Variants in ARL13A observed in about 807,000 individuals in gnomAD.
ARL13A encodes ARF like GTPase 13A.
Under a neutral mutation model 19.1 loss-of-function variants are expected in ARL13A, and 16 were observed. The ratio of observed to expected loss-of-function variants is 0.84; its 90% CI spans 0.57 to 1.27. The LOEUF is 1.27. ARL13A is among the 50% of genes most tolerant of loss of function. The pLI, the probability that ARL13A is intolerant of heterozygous loss-of-function variation, is 0.00. For synonymous variants in ARL13A, 69 were observed against 71.3 expected (o/e 0.97, Z 0.17); for missense variants, 153 against 186.4 (o/e 0.82, Z 1.04).
At chrX:100,979,017 T>G in intron 3 of ARL13A, among the ~76,000 whole-genome samples, 1 of 111,775 alleles carries the variant, frequency 8.9e-6, no homozygotes, top group Middle Eastern at 4.7e-3. Flanking sequence ...AATTGTACAC[T>G]TTAACTTCAT....
chrX:100,987,343 G>T, intron 5 of ARL13A, 47 bp from the exon 6 acceptor site: 1 of 1,182,331 alleles, frequency 8.5e-7, no homozygotes, highest in Non-Finnish European at 1.1e-6. Flanking sequence ...CGGGCCCCAG[G>T]GGTCCCAGGC....
At chrX:100,970,066 A>G (rs1332289283) in intron 1 of ARL13A, among the ~76,000 whole-genome samples, 1 of 112,246 alleles carries the variant, frequency 8.9e-6, no homozygotes, top group Non-Finnish European at 1.9e-5. Flanking sequence ...TCAAGTTAGA[A>G]GGCTCTGCCA....
chrX:100,972,486 G>A (rs2085673171), intron 1 of ARL13A, among the ~76,000 whole-genome samples: 1 of 95,215 alleles, frequency 1.1e-5, no homozygotes, highest in Non-Finnish European at 2.2e-5. Context: ...GGGCAGGGGG[G>A]CTGACCCCCC....
Position 100,985,669 on chromosome X carries a change from C to T in ARL13A, c.133C>T (p.Leu45Phe). The change falls in exon 4 of 8, where the codon CTT (leucine) becomes TTT (phenylalanine). Residue 45 changes from leucine (L) to phenylalanine (F), a missense_variant and splice_region_variant. Transcript: ENST00000450049. ...CTCCTCTTTTCCCCTATGCACAGTA[C>T]TTCCCAGTAAGACAGACCATTGCAT... ...TVLVEAFQKL[L>F]PSKTDHCMKS... 1 of 1,207,666 alleles carries T rather than the reference C, an allele frequency of 8.3e-7. No homozygotes were observed. Among genetic ancestry groups the T allele is most frequent in the Non-Finnish European group, 1.1e-6 (1 of 893,489 alleles).
Position 100,985,811 on chromosome X carries a change from T to C in ARL13A, c.275T>C (p.Leu92Pro). 1 of 1,211,671 alleles carries C rather than the reference T, an allele frequency of 8.3e-7. No homozygotes were observed. The highest frequency in any genetic ancestry group is 3.0e-5 in the East Asian group (1 of 33,850). Residue 92 changes from leucine to proline, a missense_variant, in exon 4 of 8, where the codon CTT becomes CCT. Transcript: ENST00000450049. Reference sequence around the variant, plus strand: ...AACTACTATGCACAGGCCCATGGGCTTGTTTTCGTCCTGGATTCCAGTGAC... The same window carrying C: ...AACTACTATGCACAGGCCCATGGGCCTGTTTTCGTCCTGGATTCCAGTGAC... ...WPNYYAQAHGLVFVLDSSDIR... is the reference protein window; with the variant it reads ...WPNYYAQAHGPVFVLDSSDIR...
At chrX:100,978,337 A>G (rs766178679) in intron 3 of ARL13A, among the ~76,000 whole-genome samples, 1 of 111,010 alleles carries the variant, frequency 9.0e-6, no homozygotes, top group Admixed American at 9.6e-5. Context: ...ATTGGGGTCT[A>G]TCTCTCTCTC....
In ARL13A at chrX:100,987,157, T is replaced by C. The variant is rs184937190; in HGVS notation, c.487-233T>C. Among the ~76,000 whole-genome samples, 4 of 112,251 alleles carry C rather than the reference T, an allele frequency of 3.6e-5. No individual in the cohort carries two copies. The East Asian group carries it at 1.1e-3, about 31-fold the overall frequency. On this transcript the variant is annotated intron_variant, in intron 5 of 7. Transcript: ENST00000450049. ...GGCTCAGAGACTCTACGTGACTTGC[T>C]CAAGGTCACACACCCAAGACACCAC...
chrX:100,985,688 A>G lies in ARL13A; in HGVS notation c.152A>G (p.His51Arg), dbSNP rs375350475. Reference sequence around the variant, plus strand: ...ACAGTACTTCCCAGTAAGACAGACCATTGCATGAAATCGGAACTGACTACA... The same window carrying G: ...ACAGTACTTCCCAGTAAGACAGACCGTTGCATGAAATCGGAACTGACTACA... ...FQKLLPSKTD[H>R]CMKSELTTLL... The change falls in exon 4 of 8, where the codon CAT (histidine) becomes CGT (arginine). Residue 51 changes from histidine (H) to arginine (R), a missense_variant. Coordinates refer to ENST00000450049, the MANE Select transcript of ARL13A (RefSeq NM_001162491.2). The G allele has an allele frequency of 8.3e-7, 1 of 1,210,000 alleles. No homozygotes were observed. The highest frequency in any genetic ancestry group is 1.1e-6 in the Non-Finnish European group (1 of 894,719).
chrX:100,982,595 G>A (rs1381197293), intron 3 of ARL13A, among the ~76,000 whole-genome samples: 1 of 109,225 alleles, frequency 9.2e-6, no homozygotes. Context: ...CTACTGACGG[G>A]ACCTGGAGAT....
intron 1 of ARL13A, among the ~76,000 whole-genome samples, chrX:100,971,641 AAT>A (rs1443592894): frequency 1.2e-5 from 1 of 82,189 alleles, no homozygotes. Context: ...CACTGAGCAG[AAT>A]ATGTCTCTCA....
chrX:100,978,891 A>G (rs942383864), intron 3 of ARL13A, among the ~76,000 whole-genome samples: 1 of 110,622 alleles, frequency 9.0e-6, no homozygotes, highest in African/African-American at 3.3e-5. Context: ...GGGCTTGCAA[A>G]TAACATCTTA....
Position 100,990,811 on chromosome X carries a change from A to G in ARL13A, c.*223A>G, listed in dbSNP as rs963401031. 1 of 373,317 alleles carries G rather than the reference A, an allele frequency of 2.7e-6. No individual in the cohort carries two copies. The highest frequency in any genetic ancestry group is 4.7e-6 in the Non-Finnish European group (1 of 210,680). 30.8% of individuals were successfully genotyped at this position (373,317 alleles called of 1,213,427 possible). ...GGCAGAAAAGGATTGGCAAAAATAA[A>G]TAGAACTTCTTTGCTGAGAATTATG... is the stretch of plus-strand genomic sequence containing the variant. On this transcript the variant is annotated 3_prime_UTR_variant, in exon 8 of 8. Transcript: ENST00000450049.
intron 3 of ARL13A, among the ~76,000 whole-genome samples, chrX:100,983,753 T>C (rs897793745): frequency 3.6e-5 from 4 of 111,883 alleles, no homozygotes; most frequent in African/African-American, 1.3e-4. Context: ...AATTTAACAG[T>C]TCATTGCCTA....
intron 1 of ARL13A, among the ~76,000 whole-genome samples, chrX:100,972,341 G>A (rs1348304049): frequency 5.0e-5 from 5 of 100,892 alleles, no homozygotes; most frequent in South Asian, 5.0e-4. Context: ...CGGACGGGGC[G>A]GCTGGCCGGG....
chrX:100,983,826 A>G (rs2085896570), intron 3 of ARL13A, among the ~76,000 whole-genome samples: 2 of 111,722 alleles, frequency 1.8e-5, no homozygotes, highest in Admixed American at 9.6e-5. Context: ...ATATACATAT[A>G]CACACATATA....
intron 3 of ARL13A, among the ~76,000 whole-genome samples, chrX:100,975,612 C>T (rs1183200797): frequency 9.3e-6 from 1 of 107,269 alleles, no homozygotes; most frequent in Non-Finnish European, 1.9e-5. Flanking sequence ...CCTGAGACAA[C>T]ATGTTGCCAT....
At chrX:100,986,699 T>G in intron 4 of ARL13A, 97 bp from the exon 5 acceptor site, 1 of 508,768 alleles carries the variant, frequency 2.0e-6, no homozygotes, top group Non-Finnish European at 3.3e-6. Flanking sequence ...TATAGTAGAA[T>G]TTGTTCTCCT....
Position 100,986,843 on chromosome X carries a change from T to A in ARL13A, c.428T>A (p.Ile143Asn), listed in dbSNP as rs201652836. Residue 143 changes from isoleucine to asparagine, a missense_variant, in exon 5 of 8, where the codon ATT becomes AAT. By Grantham distance (149) the Ile-to-Asn change is moderately radical. Transcript: ENST00000450049. ...AAGAAAGCCCTCATGCCTTGTGATA[T>A]TATTGACTATCTACTTCTAAAGAAG... The part of the protein sequence containing the change: ...DKKKALMPCD[I>N]IDYLLLKKLV... 2 of 1,205,753 alleles carry A rather than the reference T, an allele frequency of 1.7e-6. No individual in the cohort carries two copies. Among genetic ancestry groups the A allele is most frequent in the Non-Finnish European group, 2.2e-6 (2 of 892,778 alleles).
At chrX:100,970,675 G>A (rs897300132) in intron 1 of ARL13A, among the ~76,000 whole-genome samples, 1 of 106,740 alleles carries the variant, frequency 9.4e-6, no homozygotes, top group South Asian at 4.1e-4. Context: ...ATATACGTGG[G>A]TTTCACATTC....
Sources: allele counts gnomAD v4.1 joint callset (sites outside exome capture counted in the v4.1 genomes callset), GRCh38; gene constraint gnomAD v4.1.1; transcripts MANE v1.5; gene names NCBI Gene and HGNC (gene_info 2026-07-23, HGNC 2026-07-21).